Variants in ZMYM4 observed in about 807,000 individuals in gnomAD.
ZMYM4 encodes zinc finger MYM-type containing 4, also known as zinc finger MYM-type protein 4.
In ZMYM4, 31 loss-of-function variants were observed where a neutral mutation model predicts 183.2. The observed-to-expected ratio is 0.17, with a 90% CI of 0.13 to 0.23. ZMYM4 has a LOEUF of 0.23. ZMYM4 is among the 10% of genes least tolerant of loss of function. ZMYM4 has a pLI of 1.00. For synonymous variants in ZMYM4, 592 were observed against 631.2 expected, an observed-to-expected ratio of 0.94 and a Z score of 0.93; for missense variants, 1,273 against 1,840.3, an observed-to-expected ratio of 0.69 and a Z score of 5.64.
intron 1 of ZMYM4, among the ~76,000 whole-genome samples, chr1:35,305,270 T>A (rs1242683480): frequency 1.3e-5 from 2 of 152,256 alleles, no homozygotes; most frequent in Non-Finnish European, 2.9e-5. Context: ...TTTGTCTTGT[T>A]CTAACTGACA....
chr1:35,295,592 A>T (rs1226741145), intron 1 of ZMYM4, among the ~76,000 whole-genome samples: 1 of 152,182 alleles, frequency 6.6e-6, no homozygotes, highest in Non-Finnish European at 1.5e-5. Context: ...TGACAACCAA[A>T]ACTGCCTCCA....
intron 2 of ZMYM4, among the ~76,000 whole-genome samples, chr1:35,341,381 A>G (rs572266225): frequency 6.6e-6 from 1 of 152,262 alleles, no homozygotes; most frequent in Non-Finnish European, 1.5e-5. Context: ...TACAATAAGA[A>G]CAATAAGCCC....
At chr1:35,353,668 A>G (rs1489079202) in intron 2 of ZMYM4, among the ~76,000 whole-genome samples, 1 of 152,140 alleles carries the variant, frequency 6.6e-6, no homozygotes, top group East Asian at 1.9e-4. Flanking sequence ...CTCTTGATAT[A>G]AGCTCTGAGA....
At chr1:35,382,335 G>A (rs1644482351) in intron 9 of ZMYM4, among the ~76,000 whole-genome samples, 1 of 151,430 alleles carries the variant, frequency 6.6e-6, no homozygotes, top group East Asian at 1.9e-4. Context: ...TTATACATAA[G>A]TAGTATTTGT....
chr1:35,351,370 C>T (rs558392276), intron 2 of ZMYM4: 2 of 1,575,100 alleles, frequency 1.3e-6, no homozygotes, highest in African/African-American at 1.3e-5. Context: ...GATGAAGATG[C>T]TTACAAGAAA....
Position 35,387,219 on chromosome 1 carries a change from C to T in ZMYM4, c.2053C>T (p.Leu685Phe). The change falls in exon 12 of 30, where the codon CTC becomes TTC. Residue 685 changes from leucine (L) to phenylalanine (F), a missense_variant. By Grantham distance (22) the Leu-to-Phe change is conservative (BLOSUM62 0). Around this residue, in one of 6 missense-constraint regions of ZMYM4, gnomAD observed 319 missense variants for 518.1 expected, o/e 0.62. Coordinates refer to ENST00000314607, the MANE Select transcript of ZMYM4 (RefSeq NM_005095.3). ...HVGFARSVVK[L>F]KCQHCNRLFA... is the part of the protein sequence containing the mutation. Reference sequence around the variant, plus strand: ...TGGGTTTGCACGAAGTGTTGTGAAACTCAAATGTCAACACTGTAACCGTCT... The same window carrying T: ...TGGGTTTGCACGAAGTGTTGTGAAATTCAAATGTCAACACTGTAACCGTCT... 1 of 1,614,226 alleles carries T rather than the reference C, an allele frequency of 6.2e-7. No individual in the cohort carries two copies. The highest frequency in any genetic ancestry group is 1.3e-5 in the African/African-American group (1 of 75,074).
chr1:35,417,251 A>G (rs796442028), intron 28 of ZMYM4, among the ~76,000 whole-genome samples: 36 of 151,582 alleles, frequency 2.4e-4, no homozygotes, highest in Non-Finnish European at 3.2e-4. Flanking sequence ...AAAAAAAAAA[A>G]AAAGAAAGAA....
chr1:35,336,095 A>G (rs76064175), intron 2 of ZMYM4, among the ~76,000 whole-genome samples: 51 of 151,838 alleles, frequency 3.4e-4, no homozygotes, highest in African/African-American at 1.2e-3. Flanking sequence ...AGTCCTCATC[A>G]CCCCCTCTTC....
At chr1:35,306,476 C>G (rs552328012) in intron 1 of ZMYM4, among the ~76,000 whole-genome samples, 1 of 152,184 alleles carries the variant, frequency 6.6e-6, no homozygotes, top group South Asian at 2.1e-4. Flanking sequence ...CTGTGGGAGC[C>G]CCTCTAACCT....
At chr1:35,307,548 T>A (rs1641591804) in intron 1 of ZMYM4, among the ~76,000 whole-genome samples, 1 of 149,056 alleles carries the variant, frequency 6.7e-6, no homozygotes, top group African/African-American at 2.4e-5. Flanking sequence ...TATTATTTTT[T>A]TTTTGAGACA....
chr1:35,336,990 A>T, intron 2 of ZMYM4, among the ~76,000 whole-genome samples: 1 of 152,200 alleles, frequency 6.6e-6, no homozygotes, highest in East Asian at 1.9e-4. Flanking sequence ...CATGTAAGAC[A>T]TGCCAGCTTC....
At chr1:35,296,402 A>G (rs1641011498) in intron 1 of ZMYM4, among the ~76,000 whole-genome samples, 1 of 152,226 alleles carries the variant, frequency 6.6e-6, no homozygotes, top group Non-Finnish European at 1.5e-5. Context: ...CAGAATCTGT[A>G]TTACATGCAC....
Position 35,389,190 on chromosome 1 carries a change from A to AC in ZMYM4, c.2436+108_2436+109insC. 5 of 1,150,516 alleles carry AC rather than the reference A, an allele frequency of 4.3e-6. No homozygotes were observed. The highest frequency in any genetic ancestry group is 6.0e-6 in the Non-Finnish European group (5 of 835,206). 71.3% of individuals were successfully genotyped at this position (1,150,516 alleles called of 1,614,324 possible). A position where few individuals can be genotyped will look rare whatever the true frequency, so the allele number is the denominator to read the frequency against. ...ATTTAATTATTTAAAACTTTTAAGTATTAAATGTTTTATGCCTTCTAGCAA... is the reference window on the plus strand; with the variant it reads ...ATTTAATTATTTAAAACTTTTAAGTACTTAAATGTTTTATGCCTTCTAGCAA... On this transcript the variant is annotated intron_variant, in intron 14 of 29. Transcript: ENST00000314607. The surrounding 1 kb of genome is among the most constrained non-coding windows in gnomAD (Gnocchi z 4.0).
Position 35,331,512 on chromosome 1 carries a change from G to A in ZMYM4, c.85+6107G>A, listed in dbSNP as rs192163976. ...AATAAAATTGTGGTGTCAGTCAGGC[G>A]CAGTGGCTCACGCCTGTAATCCCAG... is the stretch of plus-strand genomic sequence containing the variant. On this transcript the variant is annotated intron_variant, in intron 2 of 29. Transcript: ENST00000314607. 1.1e-3 allele frequency among the ~76,000 whole-genome samples: 161 copies of A among 152,180 alleles called. 1 individual carries two copies. The highest frequency in any genetic ancestry group is 2.4e-3 in the African/African-American group (101 of 41,532).
At chr1:35,347,438 C>G (rs1470505044) in intron 2 of ZMYM4, among the ~76,000 whole-genome samples, 1 of 151,704 alleles carries the variant, frequency 6.6e-6, no homozygotes, top group East Asian at 1.9e-4. Context: ...TTACTGATGC[C>G]ATTGAGGGAA....
intron 7 of ZMYM4, among the ~76,000 whole-genome samples, chr1:35,379,411 T>G (rs562461682): frequency 1.3e-5 from 2 of 152,266 alleles, no homozygotes; most frequent in South Asian, 4.1e-4. Flanking sequence ...AGTTTTGCAT[T>G]TTTTAGTAGA....
chr1:35,275,618 TAGG>T (rs751479722), intron 1 of ZMYM4, among the ~76,000 whole-genome samples: 6 of 152,230 alleles, frequency 3.9e-5, no homozygotes, highest in Non-Finnish European at 7.3e-5. Flanking sequence ...AATTCTGTAT[TAGG>T]AGAACAGCCA....
intron 1 of ZMYM4, among the ~76,000 whole-genome samples, chr1:35,290,007 A>G (rs1392881172): frequency 6.6e-6 from 1 of 151,384 alleles, no homozygotes; most frequent in Non-Finnish European, 1.5e-5. Context: ...TCACTCTGTC[A>G]CCTAGGCTGG....
chr1:35,392,150 G>A, intron 15 of ZMYM4, 62 bp from the exon 16 acceptor site: 1 of 1,599,850 alleles, frequency 6.3e-7, no homozygotes, highest in Non-Finnish European at 8.6e-7. Flanking sequence ...TCCTTGAAAT[G>A]GTTTCTGTGT....
Sources: allele counts gnomAD v4.1 joint callset (sites outside exome capture counted in the v4.1 genomes callset), GRCh38; gene constraint gnomAD v4.1.1; regional missense constraint gnomAD v4.1.1; non-coding constraint Gnocchi (gnomAD v3.1); transcripts MANE v1.5; gene names NCBI Gene and HGNC (gene_info 2026-07-23, HGNC 2026-07-21).